Variants in EXT1 observed in about 807,000 individuals in gnomAD.
EXT1 encodes the protein exostosin glycosyltransferase 1, also known as exostosin-1.
Under a neutral mutation model 82.5 loss-of-function variants are expected in EXT1, and 20 were observed. That is an observed-to-expected ratio of 0.24 (90% CI 0.17 to 0.35). The LOEUF is 0.35. Among genes scored for constraint, EXT1 ranks in the 10% least tolerant of loss-of-function variants. The pLI is 1.00. For synonymous variants in EXT1, 348 were observed against 350.8 expected (o/e 0.99, Z 0.09); for missense variants, 757 against 936.5 (o/e 0.81, Z 2.50).
At chr8:118,063,687 C>T (rs1816925207) in intron 1 of EXT1, among the ~76,000 whole-genome samples, 1 of 152,234 alleles carries the variant, frequency 6.6e-6, no homozygotes, top group Admixed American at 6.5e-5. Flanking sequence ...TAGCTACCAT[C>T]CTTGCTTCGG....
Position 117,812,938 on chromosome 8 carries a change from G to C in EXT1, c.1656C>G (p.Pro552=), listed in dbSNP as rs781385665. ...CGGCGTCTGTGATGATGTTGTCGTA[G>C]GGCAGAAAACGGCTGCTCATAACCT... is the stretch of plus-strand genomic sequence containing the variant. ...ESKVMSSRFL[P]YDNIITDAVL... The change falls in exon 8 of 11, where the codon CCC becomes CCG. Residue 552 remains proline, a synonymous_variant. Coordinates refer to ENST00000378204, the MANE Select transcript of EXT1 (RefSeq NM_000127.3). 1 of 1,613,860 alleles carries C rather than the reference G, an allele frequency of 6.2e-7. No individual in the cohort carries two copies. The highest frequency in any genetic ancestry group is 1.1e-5 in the South Asian group (1 of 91,016).
Position 117,833,510 on chromosome 8 carries a change from G to A in EXT1, c.1164+1934C>T, listed in dbSNP as rs1242782712. 3.3e-5 allele frequency among the ~76,000 whole-genome samples: 5 copies of A among 152,192 alleles called. No individual in the cohort carries two copies. In the East Asian group the frequency reaches 9.7e-4, roughly 29 times the overall value. ...GGCACTTGTAATCCCAGCTACTCGGGAGGCTGAGGCAGAAGAATCGCTTAA... is the reference window on the plus strand; with the variant it reads ...GGCACTTGTAATCCCAGCTACTCGGAAGGCTGAGGCAGAAGAATCGCTTAA... On this transcript the variant is annotated intron_variant, in intron 3 of 10. Transcript: ENST00000378204.
rs372575361 is a variant in EXT1, at chr8:117,867,260, G to GA, written c.963-30060dup. 6.4e-4 allele frequency among the ~76,000 whole-genome samples: 63 copies of GA among 98,854 alleles called. 1 individual carries two copies. Among genetic ancestry groups the GA allele is most frequent in the Middle Eastern group, 0.011 (2 of 178 alleles). The allele number at this position is 98,854 out of a possible 152,430, so 64.9% of individuals were successfully genotyped here. On this transcript the variant is annotated intron_variant, in intron 1 of 10. Transcript: ENST00000378204. Reference sequence around the variant, plus strand: ...GGCGACAGAGTGAGACTCCACCTCAGAAAAAAAAAAAAAGCTTGAGGAAAT... The same window carrying GA: ...GGCGACAGAGTGAGACTCCACCTCAGAAAAAAAAAAAAAAGCTTGAGGAAAT...
Position 118,007,628 on chromosome 8 carries a change from TA to T in EXT1, c.962+102456del, listed in dbSNP as rs1164292696. 2.6e-5 allele frequency among the ~76,000 whole-genome samples: 4 copies of T among 152,290 alleles called. No individual in the cohort carries two copies. The East Asian group carries it at 7.7e-4, about 29-fold the overall frequency. On this transcript the variant is annotated intron_variant, in intron 1 of 10. Coordinates refer to ENST00000378204, the MANE Select transcript of EXT1 (RefSeq NM_000127.3). ...CCAGGAACTTAAAGTAAAATTAAAT[TA>T]AATACAAAAGACGAAGAAGATAGGT...
chr8:117,884,700 C>A (rs1813117866), intron 1 of EXT1, among the ~76,000 whole-genome samples: 1 of 152,130 alleles, frequency 6.6e-6, no homozygotes, highest in Non-Finnish European at 1.5e-5. Context: ...GTGTGAATCC[C>A]ACTAACACTT....
intron 1 of EXT1, among the ~76,000 whole-genome samples, chr8:117,970,716 C>T (rs1022300391): frequency 1.3e-5 from 2 of 152,210 alleles, no homozygotes; most frequent in Non-Finnish European, 2.9e-5. Flanking sequence ...TAAGTGCTCA[C>T]ATCACAACTT....
At chr8:118,107,329 T>C (rs764150713) in intron 1 of EXT1, among the ~76,000 whole-genome samples, 1 of 152,144 alleles carries the variant, frequency 6.6e-6, no homozygotes, top group Admixed American at 6.5e-5. Context: ...AGATGGAAAC[T>C]GATTGTGTTT....
chr8:117,832,223 A>C (rs958957514), intron 3 of EXT1, among the ~76,000 whole-genome samples: 27 of 152,174 alleles, frequency 1.8e-4, no homozygotes, highest in African/African-American at 5.8e-4. Flanking sequence ...ACAAGGAAAC[A>C]GTCTATTAGA....
At chr8:117,971,462 A>G (rs1356178880) in intron 1 of EXT1, among the ~76,000 whole-genome samples, 1 of 152,220 alleles carries the variant, frequency 6.6e-6, no homozygotes, top group Non-Finnish European at 1.5e-5. Flanking sequence ...CAAGGGGACT[A>G]CAGAAACTTA....
intron 1 of EXT1, among the ~76,000 whole-genome samples, chr8:117,865,487 T>A (rs1384183293): frequency 1.3e-5 from 2 of 152,230 alleles, no homozygotes; most frequent in Non-Finnish European, 2.9e-5. Flanking sequence ...AAACATCCAG[T>A]GGACTTACTT....
At chr8:117,876,191 C>T (rs952561314) in intron 1 of EXT1, among the ~76,000 whole-genome samples, 2 of 152,070 alleles carry the variant, frequency 1.3e-5, no homozygotes, top group African/African-American at 4.8e-5. Context: ...CAGAGTGTAT[C>T]GGGGTATACT....
chr8:118,030,243 A>G (rs1340423217), intron 1 of EXT1, among the ~76,000 whole-genome samples: 1 of 151,918 alleles, frequency 6.6e-6, no homozygotes, highest in Non-Finnish European at 1.5e-5. Flanking sequence ...ATACTTAGAA[A>G]AAAAAAAAAA....
At chr8:117,804,255 T>C (rs1823206138) in intron 10 of EXT1, among the ~76,000 whole-genome samples, 2 of 152,218 alleles carry the variant, frequency 1.3e-5, no homozygotes, top group Admixed American at 1.3e-4. Context: ...GAGAACTCTC[T>C]TGCCCTTCTT....
chr8:117,997,245 C>CTATATATATA (rs67974546), intron 1 of EXT1, among the ~76,000 whole-genome samples: 4 of 136,256 alleles, frequency 2.9e-5, no homozygotes, highest in African/African-American at 1.1e-4. Flanking sequence ...AGTTGTCATA[C>CTATATATATA]TATATATATA....
chr8:117,812,261 C>G (rs1320902405), intron 8 of EXT1, among the ~76,000 whole-genome samples: 10 of 152,182 alleles, frequency 6.6e-5, no homozygotes, highest in Admixed American at 5.2e-4. Context: ...TCTACCATAT[C>G]TATCTTTCCT....
At chr8:117,902,615 C>T (rs1226648284) in intron 1 of EXT1, among the ~76,000 whole-genome samples, 1 of 152,128 alleles carries the variant, frequency 6.6e-6, no homozygotes, top group East Asian at 1.9e-4. Context: ...TTTATGGCTT[C>T]CCAGGCAAAC....
intron 1 of EXT1, among the ~76,000 whole-genome samples, chr8:117,873,304 A>C (rs1381834265): frequency 6.6e-6 from 1 of 152,204 alleles, no homozygotes; most frequent in African/African-American, 2.4e-5. Flanking sequence ...TGGATTGGTC[A>C]ATTCATAATA....
At chr8:118,069,524 T>TTTGGCAAAGTG (rs1299304890) in intron 1 of EXT1, among the ~76,000 whole-genome samples, 1 of 152,068 alleles carries the variant, frequency 6.6e-6, no homozygotes, top group Non-Finnish European at 1.5e-5. Flanking sequence ...AAAATTACAC[T>TTTGGCAAAGTG]TTGGCAAAGT....
intron 1 of EXT1, among the ~76,000 whole-genome samples, chr8:118,095,628 T>G (rs1043484124): frequency 6.6e-6 from 1 of 152,218 alleles, no homozygotes; most frequent in Non-Finnish European, 1.5e-5. Flanking sequence ...CAGTATTAGA[T>G]TCCCTCTGAT....
Sources: gnomAD v4.1 joint callset for allele counts (sites outside exome capture counted in the v4.1 genomes callset) on GRCh38, gnomAD v4.1.1 for gene constraint, MANE v1.5 for transcripts, NCBI Gene and HGNC (gene_info 2026-07-23, HGNC 2026-07-21) for gene names.